Variants in RHBDD1 observed in about 807,000 individuals in gnomAD.
RHBDD1 encodes the protein rhomboid-related protein 4.
Under a neutral mutation model 36.3 loss-of-function variants are expected in RHBDD1, and 38 were observed. The observed-to-expected ratio is 1.05, with a 90% CI of 0.81 to 1.37. The LOEUF (loss-of-function observed/expected upper bound fraction) is 1.37. Ranked by LOEUF, RHBDD1 falls within the 40% of genes most tolerant of loss-of-function variation. The pLI, the probability that RHBDD1 is intolerant of heterozygous loss-of-function variation, is 0.00. For synonymous variants in RHBDD1, 151 were observed against 136.5 expected (o/e 1.11, Z -0.74); for missense variants, 393 against 377.6 (o/e 1.04, Z -0.34).
At chr2:226,831,538 A>C (rs1280339490), upstream of RHBDD1, among the ~76,000 whole-genome samples, 1 of 152,174 alleles carries the variant, frequency 6.6e-6, no homozygotes, top group African/African-American at 2.4e-5. Flanking sequence ...AAGGAGCACC[A>C]AGAAAGGCCA....
At chr2:226,906,417 C>T (rs1243467320) in intron 5 of RHBDD1, among the ~76,000 whole-genome samples, 2 of 152,082 alleles carry the variant, frequency 1.3e-5, no homozygotes, top group African/African-American at 4.8e-5. Context: ...CTGGATAATT[C>T]CAGATTTAAT....
intron 8 of RHBDD1, among the ~76,000 whole-genome samples, chr2:226,974,338 C>T (rs1454650454): frequency 1.3e-5 from 2 of 151,944 alleles, no homozygotes; most frequent in Admixed American, 1.3e-4. Context: ...CCTGGGTTCA[C>T]GCCATTCTTC....
intron 8 of RHBDD1, among the ~76,000 whole-genome samples, chr2:226,929,900 G>T (rs1271941672): frequency 1.3e-5 from 2 of 151,762 alleles, no homozygotes; most frequent in Non-Finnish European, 3.0e-5. Context: ...TATGATAGCT[G>T]CAAACAAACA....
the RHBDD1 span, among the ~76,000 whole-genome samples, chr2:226,824,328 G>A: frequency 1.3e-5 from 2 of 151,918 alleles, no homozygotes; most frequent in Non-Finnish European, 2.9e-5. Flanking sequence ...AAAACTTGTA[G>A]GATTGGACAT....
At chr2:226,879,160 A>T (rs1054667823) in intron 5 of RHBDD1, among the ~76,000 whole-genome samples, 2 of 151,946 alleles carry the variant, frequency 1.3e-5, no homozygotes, top group African/African-American at 4.8e-5. Flanking sequence ...GATTTCAGCT[A>T]TGTTTGTATA....
At chr2:226,827,859 T>G in the RHBDD1 span, among the ~76,000 whole-genome samples, 117 of 152,322 alleles carry the variant, frequency 7.7e-4, no homozygotes, top group African/African-American at 2.8e-3. Flanking sequence ...TGTGGATGGG[T>G]AGGGCCTGGG....
chr2:226,838,324 C>A (rs529799267), intron 2 of RHBDD1, among the ~76,000 whole-genome samples, 170 bp downstream of exon 2: 57 of 152,282 alleles, frequency 3.7e-4, no homozygotes, highest in Middle Eastern at 6.8e-3. Context: ...TGGCACTGCC[C>A]CATCATGAAA....
At chr2:226,826,543 C>CA in the RHBDD1 span, among the ~76,000 whole-genome samples, 1 of 114,978 alleles carries the variant, frequency 8.7e-6, no homozygotes, top group Admixed American at 1.2e-4. Context: ...TTTTTTGAGA[C>CA]AGAGTCTCGC....
chr2:226,835,401 T>C (rs1156808385), upstream of RHBDD1, among the ~76,000 whole-genome samples: 1 of 152,218 alleles, frequency 6.6e-6, no homozygotes, highest in Admixed American at 6.5e-5. Flanking sequence ...GGGCAAACGT[T>C]GCGTGGTGCA....
intron 3 of RHBDD1, among the ~76,000 whole-genome samples, chr2:226,854,402 G>A (rs1574813840): frequency 6.6e-6 from 1 of 152,052 alleles, no homozygotes; most frequent in Non-Finnish European, 1.5e-5. Flanking sequence ...AAACCAGACT[G>A]GCCAACATGG....
At chr2:226,914,748 A>G (rs539073366) in intron 8 of RHBDD1, 1 of 154,642 alleles carries the variant, frequency 6.5e-6, no homozygotes, top group African/African-American at 2.4e-5. Context: ...AATCTCCCTC[A>G]GCATCACATA....
intron 5 of RHBDD1, among the ~76,000 whole-genome samples, chr2:226,894,023 TTGTAAA>T (rs1946888368): frequency 1.3e-5 from 2 of 152,204 alleles, no homozygotes; most frequent in Non-Finnish European, 2.9e-5. Context: ...ATAAATTAAA[TTGTAAA>T]TGTAAAGTGA....
At position 226,951,764 on chromosome 2, in the gene RHBDD1, G is replaced by A. The variant is rs562730563; in HGVS notation, c.856+37413G>A. Among the ~76,000 whole-genome samples the A allele has an allele frequency of 5.3e-5, 8 of 152,326 alleles. No homozygotes were observed. In the East Asian group the frequency reaches 9.6e-4, roughly 18 times the overall value. On this transcript the variant is annotated intron_variant, in intron 8 of 8. Coordinates refer to ENST00000392062, the MANE Select transcript of RHBDD1 (RefSeq NM_001167608.3). ...AACTTTTATGTAAGATACAGCTCAT[G>A]TCAAGAACTAAATATATTCATAGTT...
chr2:226,950,810 A>C (rs1575216852), intron 8 of RHBDD1, among the ~76,000 whole-genome samples: 1 of 152,128 alleles, frequency 6.6e-6, no homozygotes. Context: ...TCCTTTGTCC[A>C]TTTTAAAAAT....
intron 8 of RHBDD1, among the ~76,000 whole-genome samples, chr2:226,938,624 TAATA>T (rs1369303486): frequency 6.6e-6 from 1 of 152,068 alleles, no homozygotes; most frequent in East Asian, 1.9e-4. Flanking sequence ...ATTGAAGCAG[TAATA>T]AATAGCCTAC....
intron 3 of RHBDD1, among the ~76,000 whole-genome samples, chr2:226,856,515 C>T (rs191249624): frequency 6.6e-6 from 1 of 152,218 alleles, no homozygotes; most frequent in Admixed American, 6.5e-5. Flanking sequence ...ATGTTCTCAT[C>T]CATTGGCTCT....
At chr2:226,890,383 G>A (rs1946584874) in intron 5 of RHBDD1, among the ~76,000 whole-genome samples, 1 of 152,168 alleles carries the variant, frequency 6.6e-6, no homozygotes. Context: ...CATGAGGAAT[G>A]GAGCTATATC....
chr2:226,841,448 C>T lies in RHBDD1; in HGVS notation c.-91+1821C>T, dbSNP rs1210120902. On this transcript the variant is annotated intron_variant, in intron 3 of 8. Transcript: ENST00000392062. ...CCACATCCATTAGCTATTGTTCCTC[C>T]CTGCCTACCACACCTCCCTGACAGG... Among the ~76,000 whole-genome samples, 3 of 152,268 alleles carry T rather than the reference C, an allele frequency of 2.0e-5. No individual in the cohort carries two copies. The East Asian group carries it at 5.8e-4, about 29-fold the overall frequency.
At chr2:226,940,351 C>T (rs565795190) in intron 8 of RHBDD1, among the ~76,000 whole-genome samples, 20 of 151,566 alleles carry the variant, frequency 1.3e-4, no homozygotes, top group South Asian at 6.3e-4. Flanking sequence ...TCTAATTGTA[C>T]GCATCAAACA....
Sources: allele counts gnomAD v4.1 joint callset (sites outside exome capture counted in the v4.1 genomes callset), GRCh38; gene constraint gnomAD v4.1.1; transcripts MANE v1.5; gene names NCBI Gene and HGNC (gene_info 2026-07-23, HGNC 2026-07-21).